The following CDH12 variants were observed in gnomAD, a reference collection of about 807,000 sequenced individuals.
CDH12 encodes cadherin 12, also known as cadherin-12.
CDH12 carries 41 observed loss-of-function variants against 74.1 expected under a neutral mutation model. The ratio of observed to expected loss-of-function variants is 0.55; its 90% CI spans 0.43 to 0.72. CDH12 has a LOEUF of 0.72. Among genes scored for constraint, CDH12 ranks in the 30% least tolerant of loss-of-function variants. The pLI is 0.00. For synonymous variants in CDH12, 399 were observed against 355.0 expected (o/e 1.12, Z -1.39); for missense variants, 945 against 977.2 (o/e 0.97, Z 0.44).
chr5:22,470,515 C>T (rs1176926462), intron 2 of CDH12, among the ~76,000 whole-genome samples: 5 of 151,896 alleles, frequency 3.3e-5, no homozygotes, highest in African/African-American at 9.7e-5. Context: ...AACTCCTGAG[C>T]TCAAGCAATC....
At chr5:22,024,452 A>C (rs1471777390) in intron 5 of CDH12, among the ~76,000 whole-genome samples, 2 of 152,192 alleles carry the variant, frequency 1.3e-5, no homozygotes, top group Non-Finnish European at 1.5e-5. Context: ...TTTCAACAAT[A>C]TAAATAACTT....
At chr5:21,770,691 C>T (rs546258264) in intron 11 of CDH12, among the ~76,000 whole-genome samples, 2 of 151,950 alleles carry the variant, frequency 1.3e-5, no homozygotes, top group Non-Finnish European at 2.9e-5. Flanking sequence ...ACTCTTCGAC[C>T]CAGCAATCCC....
intron 10 of CDH12, among the ~76,000 whole-genome samples, chr5:21,788,218 T>C (rs533005659): frequency 6.6e-6 from 1 of 152,208 alleles, no homozygotes; most frequent in Non-Finnish European, 1.5e-5. Flanking sequence ...GAAAACACAT[T>C]GAATGTAAAA....
At chr5:22,634,320 A>ATGT (rs1475119666) in intron 1 of CDH12, among the ~76,000 whole-genome samples, 1 of 152,100 alleles carries the variant, frequency 6.6e-6, no homozygotes, top group Admixed American at 6.6e-5. Context: ...ATCCTACTAT[A>ATGT]TGTTGTATGT....
At chr5:22,186,809 CAAAT>C (rs1353007819) in intron 4 of CDH12, among the ~76,000 whole-genome samples, 5 of 152,022 alleles carry the variant, frequency 3.3e-5, no homozygotes, top group Non-Finnish European at 2.9e-5. Context: ...TTTGAAATAA[CAAAT>C]AAGTTGTAAT....
At chr5:22,820,956 C>G (rs868612556) in intron 1 of CDH12, among the ~76,000 whole-genome samples, 23 of 152,296 alleles carry the variant, frequency 1.5e-4, no homozygotes, top group Admixed American at 4.6e-4. Flanking sequence ...GACCAATACC[C>G]TTGATGAACA....
chr5:22,038,958 C>T (rs570215442), intron 5 of CDH12, among the ~76,000 whole-genome samples: 3 of 152,218 alleles, frequency 2.0e-5, no homozygotes, highest in East Asian at 1.9e-4. Context: ...AGATGCTGAA[C>T]GTCATTCTTC....
In CDH12 at chr5:22,246,400, G is replaced by C. The variant is rs568324848; in HGVS notation, c.-332-33757C>G. 2.0e-5 allele frequency among the ~76,000 whole-genome samples: 3 copies of C among 152,092 alleles called. No homozygotes were observed. The South Asian group carries it at 6.2e-4, about 32-fold the overall frequency. On this transcript the variant is annotated intron_variant, in intron 3 of 14. Coordinates refer to ENST00000382254, the MANE Select transcript of CDH12 (RefSeq NM_004061.5). ...AGTCACAAAAATTTCAAATATCTTA[G>C]AACCAAAAATTTCTTAGAAACTAAT...
intron 2 of CDH12, among the ~76,000 whole-genome samples, chr5:22,414,685 A>C (rs918581113): frequency 6.6e-6 from 1 of 151,902 alleles, no homozygotes; most frequent in African/African-American, 2.4e-5. Flanking sequence ...TTACTGATTC[A>C]GTAAATGAAA....
intron 4 of CDH12, among the ~76,000 whole-genome samples, chr5:22,126,179 A>T (rs1745855380): frequency 6.6e-6 from 1 of 152,152 alleles, no homozygotes; most frequent in African/African-American, 2.4e-5. Flanking sequence ...AATGGATTTT[A>T]TTCTGTGAAG....
chr5:22,125,112 C>A (rs1479416929), intron 4 of CDH12, among the ~76,000 whole-genome samples: 2 of 150,342 alleles, frequency 1.3e-5, no homozygotes, highest in African/African-American at 4.9e-5. Context: ...TTTTTTTTAA[C>A]TTTAAATTCT....
At chr5:22,159,807 A>G (rs1561174877) in intron 4 of CDH12, among the ~76,000 whole-genome samples, 1 of 152,206 alleles carries the variant, frequency 6.6e-6, no homozygotes, top group Non-Finnish European at 1.5e-5. Context: ...AAATAGTTTA[A>G]TAGTTCATTA....
intron 1 of CDH12, among the ~76,000 whole-genome samples, chr5:22,818,466 T>A (rs1460896515): frequency 1.3e-5 from 2 of 152,168 alleles, no homozygotes; most frequent in Non-Finnish European, 2.9e-5. Flanking sequence ...ACAGTGTGCT[T>A]ATTTTCCCTA....
At position 22,604,090 on chromosome 5, in the gene CDH12, T is replaced by C. The variant is rs184971971; in HGVS notation, c.-522-98726A>G. 2.5e-3 allele frequency among the ~76,000 whole-genome samples: 377 copies of C among 152,310 alleles called. 1 individual carries two copies. Among genetic ancestry groups the C allele is most frequent in the Non-Finnish European group, 2.7e-3 (182 of 68,028 alleles). On this transcript the variant is annotated intron_variant, in intron 1 of 14. Coordinates refer to ENST00000382254, the MANE Select transcript of CDH12 (RefSeq NM_004061.5). ...TAGCAATGAGATGGAAGGAAGAATA[T>C]GTCAGCCATGTTTCAGAATATAGGA...
At chr5:22,424,347 C>A (rs1743801942) in intron 2 of CDH12, among the ~76,000 whole-genome samples, 1 of 152,032 alleles carries the variant, frequency 6.6e-6, no homozygotes, top group Admixed American at 6.6e-5. Flanking sequence ...TGTTGCTTTT[C>A]AGAACTTTGT....
Position 22,204,616 on chromosome 5 carries a change from G to A in CDH12, c.-187+7882C>T, listed in dbSNP as rs532039053. Among the ~76,000 whole-genome samples, 38 of 152,194 alleles carry A rather than the reference G, an allele frequency of 2.5e-4. No individual in the cohort carries two copies. The East Asian group carries it at 2.5e-3, about 10-fold the overall frequency. ...TCTCATTATTCCTGGGTTAAAGTTC[G>A]CACCTCTTACACAGGCATCAATGAA... On this transcript the variant is annotated intron_variant, in intron 4 of 14. Coordinates refer to ENST00000382254, the MANE Select transcript of CDH12 (RefSeq NM_004061.5).
intron 5 of CDH12, among the ~76,000 whole-genome samples, chr5:22,052,476 A>G (rs1395010296): frequency 3.3e-5 from 5 of 152,176 alleles, no homozygotes; most frequent in South Asian, 4.1e-4. Context: ...GCACTTGTGT[A>G]GAGGCACAGA....
chr5:22,399,115 T>C (rs1742594218), intron 3 of CDH12, among the ~76,000 whole-genome samples: 1 of 152,158 alleles, frequency 6.6e-6, no homozygotes, highest in African/African-American at 2.4e-5. Context: ...TTGAACTATA[T>C]TTCTATCTTC....
At chr5:22,074,009 A>G (rs1340162762) in intron 5 of CDH12, among the ~76,000 whole-genome samples, 1 of 152,080 alleles carries the variant, frequency 6.6e-6, no homozygotes, top group African/African-American at 2.4e-5. Flanking sequence ...GTAAGTTTGA[A>G]CTGCATAGGT....
Sources: allele counts gnomAD v4.1 joint callset (sites outside exome capture counted in the v4.1 genomes callset), GRCh38; gene constraint gnomAD v4.1.1; transcripts MANE v1.5; gene names NCBI Gene and HGNC (gene_info 2026-07-23, HGNC 2026-07-21).